Variants in ANKRD30BL observed in about 807,000 individuals in gnomAD.
The protein encoded by ANKRD30BL is putative ankyrin repeat domain-containing protein 30B-like.
ANKRD30BL carries 20 observed loss-of-function variants against 18.4 expected under a neutral mutation model. That is an observed-to-expected ratio of 1.09 (90% CI 0.77 to 1.58). The LOEUF is 1.58. ANKRD30BL is among the 40% of genes most tolerant of loss of function. ANKRD30BL has a pLI of 0.00. For missense variants in ANKRD30BL, 224 were observed against 268.6 expected (o/e 0.83, Z 1.16); for synonymous variants, 72 against 100.9 (o/e 0.71, Z 1.72).
At chr2:132,237,339 C>T (rs374200790) in intron 1 of ANKRD30BL, among the ~76,000 whole-genome samples, 1 of 151,988 alleles carries the variant, frequency 6.6e-6, no homozygotes, top group Non-Finnish European at 1.5e-5. Context: ...GTACTCAACT[C>T]ACAGTTAAAA....
intron 1 of ANKRD30BL, among the ~76,000 whole-genome samples, chr2:132,236,015 A>T (rs1680141381): frequency 6.6e-6 from 1 of 152,168 alleles, no homozygotes; most frequent in Non-Finnish European, 1.5e-5. Flanking sequence ...AACAGAACAG[A>T]GCCCTCAGAA....
chr2:132,204,480 G>GTA (rs1679171778), intron 1 of ANKRD30BL, among the ~76,000 whole-genome samples: 9 of 142,676 alleles, frequency 6.3e-5, no homozygotes, highest in East Asian at 2.1e-4. Context: ...TGTATATATA[G>GTA]TATGTATATA....
chr2:132,211,447 C>T (rs1679346293), intron 1 of ANKRD30BL, among the ~76,000 whole-genome samples: 1 of 152,042 alleles, frequency 6.6e-6, no homozygotes, highest in Non-Finnish European at 1.5e-5. Context: ...GTGATATATG[C>T]ATTCATCTCA....
At chr2:132,221,712 T>C (rs1330966774) in intron 1 of ANKRD30BL, among the ~76,000 whole-genome samples, 5 of 88,624 alleles carry the variant, frequency 5.6e-5, no homozygotes, top group Admixed American at 1.1e-4. Flanking sequence ...GCCCCCTGCC[T>C]GGCCAGCCGC....
At chr2:132,164,634 C>A (rs1688154040), upstream of ANKRD30BL, among the ~76,000 whole-genome samples, 1 of 152,104 alleles carries the variant, frequency 6.6e-6, no homozygotes, top group Non-Finnish European at 1.5e-5. Context: ...TTTTCCCACT[C>A]CCTAGAGTGA....
At chr2:132,232,321 C>A (rs950472603) in intron 1 of ANKRD30BL, among the ~76,000 whole-genome samples, 5 of 152,156 alleles carry the variant, frequency 3.3e-5, no homozygotes, top group Non-Finnish European at 5.9e-5. Context: ...AGCAACGGAA[C>A]AAAGCTGGAT....
At chr2:132,164,479 T>C (rs1688151434), upstream of ANKRD30BL, among the ~76,000 whole-genome samples, 1 of 151,684 alleles carries the variant, frequency 6.6e-6, no homozygotes. Flanking sequence ...TTAGTAGAGA[T>C]AGGGTTTCAC....
chr2:132,256,736 T>C (rs1026490495), intron 1 of ANKRD30BL, among the ~76,000 whole-genome samples: 2 of 152,224 alleles, frequency 1.3e-5, no homozygotes, highest in Non-Finnish European at 2.9e-5. Flanking sequence ...GCCGCCGACC[T>C]GGTCCCGAAG....
chr2:132,252,152 G>C (rs1573897474), intron 1 of ANKRD30BL, among the ~76,000 whole-genome samples: 1 of 152,106 alleles, frequency 6.6e-6, no homozygotes, highest in African/African-American at 2.4e-5. Flanking sequence ...TGTAACTCGG[G>C]TAATGAAATG....
intron 1 of ANKRD30BL, among the ~76,000 whole-genome samples, chr2:132,221,846 C>A (rs1326549354): frequency 2.4e-5 from 3 of 123,332 alleles, no homozygotes; most frequent in Non-Finnish European, 4.9e-5. Flanking sequence ...GCCCGGCCAG[C>A]CGCCCCGTCC....
At chr2:132,221,535 G>A (rs1453377002) in intron 1 of ANKRD30BL, among the ~76,000 whole-genome samples, 2 of 133,740 alleles carry the variant, frequency 1.5e-5, no homozygotes, top group Non-Finnish European at 3.1e-5. Context: ...ACCCCGTCCG[G>A]GAGGGAGGTG....
At chr2:132,234,803 T>A (rs201936057) in intron 1 of ANKRD30BL, among the ~76,000 whole-genome samples, 134 of 152,040 alleles carry the variant, frequency 8.8e-4, no homozygotes, top group African/African-American at 2.8e-3. Context: ...TCCAATCAAT[T>A]GAAAAAGAGG....
intron 1 of ANKRD30BL, among the ~76,000 whole-genome samples, chr2:132,216,004 C>T (rs1273183153): frequency 1.3e-5 from 2 of 150,656 alleles, no homozygotes; most frequent in East Asian, 4.0e-4. Flanking sequence ...ACATTTGGAA[C>T]ACTTTGAGGC....
intron 4 of ANKRD30BL, chr2:132,152,707 C>T (rs1387009672): frequency 6.6e-6 from 1 of 152,140 alleles, no homozygotes; most frequent in Non-Finnish European, 1.5e-5. Context: ...TCTCTAATTT[C>T]TTCCTGTAAC....
At chr2:132,187,172 G>T (rs6709231) in intron 1 of ANKRD30BL, among the ~76,000 whole-genome samples, 1,372 of 79,086 alleles carry the variant, frequency 0.017, 7 homozygotes, top group African/African-American at 0.023. Flanking sequence ...GAAGTTTTTT[G>T]TTTTTTTTTT....
At chr2:132,213,127 C>G (rs1405207486) in intron 1 of ANKRD30BL, among the ~76,000 whole-genome samples, 1 of 141,982 alleles carries the variant, frequency 7.0e-6, no homozygotes, top group African/African-American at 3.1e-5. Context: ...GTCTTTGAGG[C>G]CTATGGTGGA....
At chr2:132,175,514 G>A (rs907117891) in intron 1 of ANKRD30BL, among the ~76,000 whole-genome samples, 1 of 152,196 alleles carries the variant, frequency 6.6e-6, no homozygotes, top group Non-Finnish European at 1.5e-5. Context: ...GTTCCCTGGG[G>A]CAGGCAGGAG....
intron 1 of ANKRD30BL, among the ~76,000 whole-genome samples, chr2:132,211,484 G>C (rs563049887): frequency 4.6e-5 from 7 of 152,046 alleles, no homozygotes; most frequent in Non-Finnish European, 7.4e-5. Flanking sequence ...CTTTGATTGA[G>C]CAGTTTTTAA....
chr2:132,241,581 G>T (rs1680326715), intron 1 of ANKRD30BL, among the ~76,000 whole-genome samples: 3 of 151,248 alleles, frequency 2.0e-5, no homozygotes, highest in South Asian at 2.1e-4. Context: ...AACTCACCCA[G>T]TTGAAGCTTT....
Sources: allele counts gnomAD v4.1 joint callset (sites outside exome capture counted in the v4.1 genomes callset), GRCh38; gene constraint gnomAD v4.1.1; transcripts MANE v1.5; gene names NCBI Gene and HGNC (gene_info 2026-07-23, HGNC 2026-07-21).